AS3MT: variants seen among roughly 807,000 people sequenced by gnomAD.
The protein encoded by AS3MT is arsenite methyltransferase.
In AS3MT, 47 loss-of-function variants were observed where a neutral mutation model predicts 45.3. That is an observed-to-expected ratio of 1.04 (90% confidence interval 0.82 to 1.32). AS3MT has a LOEUF of 1.32. Among genes scored for constraint, AS3MT ranks in the 40% most tolerant of loss-of-function variants. The pLI, the probability that AS3MT is intolerant of heterozygous loss-of-function variation, is 0.00. For missense variants in AS3MT, 396 were observed against 451.1 expected (o/e 0.88, Z 1.11); for synonymous variants, 141 against 152.8 (o/e 0.92, Z 0.57).
At chr10:102,888,425 C>CT (rs887242826) in intron 9 of AS3MT, among the ~76,000 whole-genome samples, 2 of 151,138 alleles carry the variant, frequency 1.3e-5, no homozygotes, top group South Asian at 2.1e-4. Context: ...CTTTTCTTTT[C>CT]TTTTTTTTTC....
Position 102,873,127 on chromosome 10 carries a change from C to T in AS3MT, c.352C>T (p.His118Tyr). 6.2e-7 allele frequency: 1 copy of T among 1,601,616 alleles called. No homozygotes were observed. The highest frequency in any genetic ancestry group is 8.5e-7 in the Non-Finnish European group (1 of 1,176,710). The part of the protein sequence containing the change: ...VEVAEKYLDY[H>Y]MEKYGFQASN... Reference sequence around the variant, plus strand: ...AGTGGCTGAAAAGTATCTTGACTATCACATGGAAAAATATGGCTTCCAGGC... The same window carrying T: ...AGTGGCTGAAAAGTATCTTGACTATTACATGGAAAAATATGGCTTCCAGGC... The change falls in exon 5 of 11, where the codon CAC becomes TAC. Residue 118 changes from histidine to tyrosine, a missense_variant. Coordinates refer to ENST00000369880, the MANE Select transcript of AS3MT (RefSeq NM_020682.4).
chr10:102,879,768 CAAAAAAAAAAAA>C (rs1191489555), intron 9 of AS3MT, among the ~76,000 whole-genome samples: 1 of 60,710 alleles, frequency 1.6e-5, no homozygotes, highest in Non-Finnish European at 3.0e-5. Context: ...GACTCCATCT[CAAAAAAAAAAAA>C]AAAAAAAGAA....
intron 10 of AS3MT, among the ~76,000 whole-genome samples, chr10:102,899,781 C>G (rs1293081453): frequency 2.6e-5 from 4 of 151,598 alleles, no homozygotes; most frequent in African/African-American, 9.7e-5. Context: ...GATTCTCTTG[C>G]CTCAGCCTCC....
intron 9 of AS3MT, among the ~76,000 whole-genome samples, chr10:102,882,950 A>G (rs1844888076): frequency 6.6e-6 from 1 of 152,102 alleles, no homozygotes; most frequent in South Asian, 2.1e-4. Flanking sequence ...CTTTTCACTA[A>G]TGCACTGCTC....
At chr10:102,898,022 G>T (rs1845206951) in intron 10 of AS3MT, among the ~76,000 whole-genome samples, 1 of 152,126 alleles carries the variant, frequency 6.6e-6, no homozygotes, top group African/African-American at 2.4e-5. Context: ...TTTGAAATGG[G>T]AATAAGTGAC....
At chr10:102,870,849 TG>T (rs1844668075) in intron 3 of AS3MT, among the ~76,000 whole-genome samples, 1 of 152,212 alleles carries the variant, frequency 6.6e-6, no homozygotes, top group African/African-American at 2.4e-5. Context: ...CTCTAATCCT[TG>T]AGCGGCCTCT....
At position 102,874,670 on chromosome 10, in the gene AS3MT, G is replaced by A. The variant is rs1256462313; in HGVS notation, c.528+9G>A. 9.4e-6 allele frequency: 15 copies of A among 1,595,346 alleles called. No homozygotes were observed. The highest frequency in any genetic ancestry group is 1.3e-5 in the African/African-American group (1 of 74,328). ...CATATCGGGTGCTGAAGGTGAGGAGGAGAGTGAGATAAATTATCTTTGAAC... is the reference window on the plus strand; with the variant it reads ...CATATCGGGTGCTGAAGGTGAGGAGAAGAGTGAGATAAATTATCTTTGAAC... On this transcript the variant is annotated intron_variant, in intron 6 of 10. Coordinates refer to ENST00000369880, the MANE Select transcript of AS3MT (RefSeq NM_020682.4).
intron 9 of AS3MT, 73 bp downstream of exon 9, chr10:102,879,064 C>T: frequency 2.0e-6 from 3 of 1,467,054 alleles, no homozygotes; most frequent in Non-Finnish European, 2.8e-6. Context: ...CTTTTCTTGA[C>T]TTTGCATTGC....
intron 6 of AS3MT, among the ~76,000 whole-genome samples, chr10:102,875,422 A>G (rs1292850217): frequency 7.0e-6 from 1 of 143,566 alleles, no homozygotes; most frequent in Non-Finnish European, 1.5e-5. Flanking sequence ...GGTTGCAGTG[A>G]GCCAGGATCG....
chr10:102,872,321 A>C, intron 3 of AS3MT, 127 bp from the exon 4 acceptor site: 2 of 980,270 alleles, frequency 2.0e-6, no homozygotes, highest in Non-Finnish European at 3.0e-6. Context: ...GTATGAGTGA[A>C]TGATGCAAGA....
intron 3 of AS3MT, among the ~76,000 whole-genome samples, chr10:102,871,546 CA>C (rs748797211): frequency 5.4e-3 from 125 of 23,268 alleles, no homozygotes; most frequent in African/African-American, 9.0e-3. Context: ...GACTCCGTCT[CA>C]AAAAAAAAAA....
rs1844752900 is a variant in AS3MT, at chr10:102,874,646, A to G, written c.513A>G (p.Ala171=). 6.2e-7 allele frequency: 1 copy of G among 1,609,268 alleles called. No homozygotes were observed. The highest frequency in any genetic ancestry group is 1.1e-5 in the South Asian group (1 of 90,238). Residue 171 remains alanine (A), a synonymous_variant, in exon 6 of 11, where the codon GCA becomes GCG. Coordinates refer to ENST00000369880, the MANE Select transcript of AS3MT (RefSeq NM_020682.4). ...VPDKQQVLQE[A]YRVLKHGGEL... is the part of the protein sequence containing the mutation. ...ATAAACAACAAGTGCTTCAGGAGGC[A>G]TATCGGGTGCTGAAGGTGAGGAGGA...
At chr10:102,875,296 G>C (rs1286687763) in intron 6 of AS3MT, among the ~76,000 whole-genome samples, 1 of 151,942 alleles carries the variant, frequency 6.6e-6, no homozygotes. Flanking sequence ...GGCCAACATG[G>C]AGAAACTCTG....
rs1382802968 is a variant in AS3MT at position 102,901,004 on chromosome 10, T to G, written c.*304T>G. ...CGGGAGGCTGAGGCAGGAGAATTGC[T>G]TGAACCCAGGAAGTAGAGGCTGCAG... On this transcript the variant is annotated 3_prime_UTR_variant, in exon 11 of 11. Transcript: ENST00000369880. The G allele has an allele frequency of 4.7e-6, 1 of 212,788 alleles. No individual in the cohort carries two copies. Among genetic ancestry groups the G allele is most frequent in the Non-Finnish European group, 9.4e-6 (1 of 106,254 alleles). 13.2% of individuals were successfully genotyped at this position (212,788 alleles called of 1,614,324 possible). A position where few individuals can be genotyped will look rare whatever the true frequency, so the allele number is the denominator to read the frequency against.
At chr10:102,878,107 G>C (rs11191438) in intron 7 of AS3MT, among the ~76,000 whole-genome samples, 62,103 of 151,720 alleles carry the variant, frequency 0.41, 12,927 homozygotes, top group East Asian at 0.56. Flanking sequence ...AGAATGTGGC[G>C]TACTGCATAC....
At chr10:102,899,058 A>G (rs946850624) in intron 10 of AS3MT, among the ~76,000 whole-genome samples, 2 of 152,242 alleles carry the variant, frequency 1.3e-5, no homozygotes, top group Non-Finnish European at 2.9e-5. Flanking sequence ...AGTGATATTG[A>G]TATCACCATC....
chr10:102,898,463 G>T (rs1254063981), intron 10 of AS3MT, among the ~76,000 whole-genome samples: 1 of 152,048 alleles, frequency 6.6e-6, no homozygotes, highest in African/African-American at 2.4e-5. Flanking sequence ...GGGTGTGGTG[G>T]CGGGTGCCTG....
Position 102,901,515 on chromosome 10 carries a change from G to T in AS3MT, c.*815G>T, listed in dbSNP as rs1037732764. On this transcript the variant is annotated 3_prime_UTR_variant, in exon 11 of 11. Coordinates refer to ENST00000369880, the MANE Select transcript of AS3MT (RefSeq NM_020682.4). ...GCCATAAATGAATTATTTTTAAGAG[G>T]CATTGATTAAAGATTCACAGCAAAT... 1 of 152,074 alleles carries T rather than the reference G, an allele frequency of 6.6e-6. No homozygotes were observed. Among genetic ancestry groups the T allele is most frequent in the Non-Finnish European group, 1.5e-5 (1 of 68,012 alleles). 9.4% of individuals were successfully genotyped at this position (152,074 alleles called of 1,614,324 possible).
chr10:102,876,219 G>A (rs1312659258), intron 6 of AS3MT, among the ~76,000 whole-genome samples: 8 of 151,872 alleles, frequency 5.3e-5, no homozygotes, highest in Non-Finnish European at 1.5e-5. Context: ...GATAAAATGT[G>A]TTGTTATAAA....
Sources: gnomAD v4.1 joint callset for allele counts (sites outside exome capture counted in the v4.1 genomes callset) on GRCh38, gnomAD v4.1.1 for gene constraint, MANE v1.5 for transcripts, NCBI Gene and HGNC (gene_info 2026-07-23, HGNC 2026-07-21) for gene names.